Variants in GALNT1 observed in about 807,000 individuals in gnomAD.
The protein encoded by GALNT1 is polypeptide N-acetylgalactosaminyltransferase 1, also known as GalNAc transferase 1.
In GALNT1, 17 loss-of-function variants were observed where a neutral mutation model predicts 65.7. That is an observed-to-expected ratio of 0.26 (90% CI 0.18 to 0.39). The LOEUF is 0.39. Ranked by LOEUF, GALNT1 falls within the 10% of genes least tolerant of loss-of-function variation. GALNT1 has a pLI of 1.00. For missense variants in GALNT1, 460 were observed against 672.8 expected, an observed-to-expected ratio of 0.68 and a Z score of 3.50; for synonymous variants, 210 against 219.7, an observed-to-expected ratio of 0.96 and a Z score of 0.39.
intron 10 of GALNT1, among the ~76,000 whole-genome samples, chr18:35,703,289 A>C (rs2048197139): frequency 1.3e-5 from 2 of 152,164 alleles, no homozygotes; most frequent in Admixed American, 6.5e-5. Flanking sequence ...CAGAGAGCTC[A>C]AGGTCATTTT....
upstream of GALNT1, chr18:35,581,599 G>A (rs2046315543): frequency 3.4e-5 from 1 of 29,250 alleles, no homozygotes; most frequent in East Asian, 1.2e-3. Flanking sequence ...GCGCATGCGG[G>A]GCGGCCCGGA....
chr18:35,654,824 G>A, intron 2 of GALNT1, 23 bp downstream of exon 2: 1 of 1,516,766 alleles, frequency 6.6e-7, no homozygotes, highest in Non-Finnish European at 8.9e-7. Context: ...TTATAATAGA[G>A]CTGTTTTAAC....
At chr18:35,644,163 A>G (rs1324714678) in intron 1 of GALNT1, among the ~76,000 whole-genome samples, 1 of 152,214 alleles carries the variant, frequency 6.6e-6, no homozygotes, top group Non-Finnish European at 1.5e-5. Context: ...CACCCGGGAA[A>G]TAACTACAGA....
At chr18:35,595,028 C>T (rs978483413) in intron 1 of GALNT1, among the ~76,000 whole-genome samples, 2 of 151,962 alleles carry the variant, frequency 1.3e-5, no homozygotes, top group African/African-American at 4.8e-5. Flanking sequence ...TTAGGGGAGG[C>T]TAGATGGTGC....
chr18:35,695,211 T>C (rs1264459158), intron 9 of GALNT1, among the ~76,000 whole-genome samples: 1 of 149,304 alleles, frequency 6.7e-6, no homozygotes. Context: ...TCTGTTGTTA[T>C]GGGTGTCATG....
intron 3 of GALNT1, among the ~76,000 whole-genome samples, chr18:35,667,791 T>C (rs994629884): frequency 6.6e-6 from 1 of 152,236 alleles, no homozygotes; most frequent in African/African-American, 2.4e-5. Flanking sequence ...CCCTGTCCTG[T>C]GAATTGGTAG....
intron 11 of GALNT1, 140 bp from the exon 12 acceptor site, chr18:35,709,484 C>G: frequency 1.4e-6 from 1 of 734,606 alleles, no homozygotes; most frequent in Non-Finnish European, 2.2e-6. Flanking sequence ...ATCCACCTAC[C>G]TACCTTTTCT....
chr18:35,629,912 T>C (rs2046981787), intron 1 of GALNT1, among the ~76,000 whole-genome samples: 1 of 152,134 alleles, frequency 6.6e-6, no homozygotes, highest in East Asian at 1.9e-4. Context: ...CAATCCTAGT[T>C]TCTGATAAGT....
At chr18:35,648,079 T>G (rs1308433454) in intron 1 of GALNT1, among the ~76,000 whole-genome samples, 5 of 102,764 alleles carry the variant, frequency 4.9e-5, no homozygotes, top group Non-Finnish European at 5.6e-5. Context: ...AGGGAGGAAG[T>G]GAGGAAGGGT....
At chr18:35,689,747 G>T (rs1170517617) in intron 7 of GALNT1, among the ~76,000 whole-genome samples, 1 of 152,120 alleles carries the variant, frequency 6.6e-6, no homozygotes, top group African/African-American at 2.4e-5. Flanking sequence ...AAATGCGAAA[G>T]AATTCTAAAA....
At chr18:35,625,356 AG>A (rs1249787405) in intron 1 of GALNT1, among the ~76,000 whole-genome samples, 2 of 152,138 alleles carry the variant, frequency 1.3e-5, no homozygotes, top group Non-Finnish European at 2.9e-5. Flanking sequence ...AAGCATGGTC[AG>A]AAAAGTAGGA....
chr18:35,681,889 G>A (rs189127809), intron 4 of GALNT1, among the ~76,000 whole-genome samples: 60 of 152,206 alleles, frequency 3.9e-4, no homozygotes, highest in Middle Eastern at 6.8e-3. Flanking sequence ...TCAAATTCAT[G>A]TAATATGCTG....
In GALNT1 at chr18:35,698,992, TAAATA is replaced by T. The variant is rs1431841446; in HGVS notation, c.1300-3893_1300-3889del. On this transcript the variant is annotated intron_variant, in intron 9 of 11. Transcript: ENST00000269195. ...GTGAGACTCTGTCTCAAAAATAAAATAAATAAAATAAAATAAGCCAACACAGGAGG... is the reference window on the plus strand; with the variant it reads ...GTGAGACTCTGTCTCAAAAATAAAATAAATAAAATAAGCCAACACAGGAGG... Among the ~76,000 whole-genome samples the T allele has an allele frequency of 2.7e-3, 410 of 151,780 alleles. 5 individuals are homozygous for T. The highest frequency in any genetic ancestry group is 9.1e-3 in the African/African-American group (375 of 41,396).
rs1342523018 is a variant in GALNT1 at position 35,655,674 on chromosome 18, TA to T, written c.139+875del. On this transcript the variant is annotated intron_variant, in intron 2 of 11. Transcript: ENST00000269195. ...AATTACTCTTTAAACATGTTTTCTT[TA>T]AGCATATAGCCACATTTAAATTTTT... Among the ~76,000 whole-genome samples the T allele has an allele frequency of 4.6e-5, 7 of 152,204 alleles. No homozygotes were observed. The East Asian group carries it at 1.4e-3, about 29-fold the overall frequency.
At chr18:35,628,913 G>A (rs1420032647) in intron 1 of GALNT1, among the ~76,000 whole-genome samples, 2 of 152,244 alleles carry the variant, frequency 1.3e-5, no homozygotes, top group East Asian at 3.8e-4. Context: ...AGAACTACAT[G>A]ACGAATGCGC....
Position 35,584,613 on chromosome 18 carries a change from C to G in GALNT1, c.-104+2751C>G, listed in dbSNP as rs189316382. Among the ~76,000 whole-genome samples the G allele has an allele frequency of 2.2e-3, 339 of 152,294 alleles. 1 individual carries two copies. The highest frequency in any genetic ancestry group is 3.0e-3 in the Non-Finnish European group (204 of 68,026). ...CTCAGCAGTCCCAGTCTCTCTGGCA[C>G]CAGGGACCAGTTTTGTGGAAGACAG... On this transcript the variant is annotated intron_variant, in intron 1 of 11. Transcript: ENST00000269195.
intron 1 of GALNT1, among the ~76,000 whole-genome samples, chr18:35,653,449 T>C (rs931676744): frequency 6.6e-6 from 1 of 152,210 alleles, no homozygotes; most frequent in African/African-American, 2.4e-5. Flanking sequence ...AAGTTGCCCT[T>C]GTAAGAAGCT....
intron 1 of GALNT1, among the ~76,000 whole-genome samples, chr18:35,626,709 C>T (rs2046921849): frequency 6.6e-6 from 1 of 152,090 alleles, no homozygotes; most frequent in Admixed American, 6.5e-5. Context: ...GTCCTGCGTG[C>T]TCTCCATGTT....
At chr18:35,653,006 A>G (rs2047330652) in intron 1 of GALNT1, among the ~76,000 whole-genome samples, 2 of 152,226 alleles carry the variant, frequency 1.3e-5, no homozygotes, top group African/African-American at 4.8e-5. Context: ...ATATAAATGT[A>G]TGTATATAGT....
Sources: allele counts gnomAD v4.1 joint callset (sites outside exome capture counted in the v4.1 genomes callset), GRCh38; gene constraint gnomAD v4.1.1; transcripts MANE v1.5; gene names NCBI Gene and HGNC (gene_info 2026-07-23, HGNC 2026-07-21).